Variants in ATF7IP2 observed in about 807,000 individuals in gnomAD.
ATF7IP2 encodes activating transcription factor 7 interacting protein 2.
Under a neutral mutation model 64.2 loss-of-function variants are expected in ATF7IP2, and 42 were observed. The ratio of observed to expected loss-of-function variants is 0.65; its 90% CI spans 0.51 to 0.85. The LOEUF (loss-of-function observed/expected upper bound fraction) is 0.85, where lower values mean the gene tolerates loss of function less well. Ranked by LOEUF, ATF7IP2 falls within the 40% of genes least tolerant of loss-of-function variation. The pLI is 0.00. For synonymous variants in ATF7IP2, 308 were observed against 272.8 expected, an observed-to-expected ratio of 1.13 and a Z score of -1.27; for missense variants, 933 against 784.2, an observed-to-expected ratio of 1.19 and a Z score of -2.27.
chr16:10,406,415 T>C (rs1208420831), intron 1 of ATF7IP2, among the ~76,000 whole-genome samples: 1 of 152,034 alleles, frequency 6.6e-6, no homozygotes, highest in Non-Finnish European at 1.5e-5. Flanking sequence ...CAACCTAAAA[T>C]AATTAACCTA....
intron 12 of ATF7IP2, among the ~76,000 whole-genome samples, chr16:10,477,412 G>T (rs910157596): frequency 6.6e-6 from 1 of 152,106 alleles, no homozygotes; most frequent in Non-Finnish European, 1.5e-5. Flanking sequence ...AAAGGCCTTT[G>T]ACAAAATTCA....
At chr16:10,457,916 TG>T (rs201680576) in intron 9 of ATF7IP2, among the ~76,000 whole-genome samples, 3 of 152,250 alleles carry the variant, frequency 2.0e-5, no homozygotes, top group African/African-American at 7.2e-5. Context: ...TTCACCATGT[TG>T]CCCAGGCTGG....
rs772840835 is a variant in ATF7IP2, at chr16:10,480,968, C to T, written c.1635+4C>T. 1 of 1,587,068 alleles carries T rather than the reference C, an allele frequency of 6.3e-7. No homozygotes were observed. The highest frequency in any genetic ancestry group is 1.3e-5 in the African/African-American group (1 of 74,166). ...ATTGGCACAAAATGCAGTCCAGGTA[C>T]TGAATCAAAGTGCTCTGTAAGGGAT... On this transcript the variant is annotated splice_donor_region_variant and intron_variant, in intron 13 of 13. Transcript: ENST00000562102.
chr16:10,457,202 T>G, intron 8 of ATF7IP2, 170 bp from the exon 9 acceptor site: 2 of 561,014 alleles, frequency 3.6e-6, no homozygotes, highest in Non-Finnish European at 6.2e-6. Context: ...TTTTTAAAAA[T>G]TCATTTTGGC....
At chr16:10,392,031 T>TA (rs1175108294) in intron 1 of ATF7IP2, among the ~76,000 whole-genome samples, 1 of 149,054 alleles carries the variant, frequency 6.7e-6, no homozygotes, top group East Asian at 2.0e-4. Context: ...CCAAAAGATA[T>TA]AAAAAGTATG....
chr16:10,471,506 G>A (rs2049798561), intron 9 of ATF7IP2, among the ~76,000 whole-genome samples: 1 of 151,748 alleles, frequency 6.6e-6, no homozygotes, highest in Non-Finnish European at 1.5e-5. Context: ...TCAGCCTGGG[G>A]GACAAGAGCA....
intron 1 of ATF7IP2, among the ~76,000 whole-genome samples, chr16:10,391,091 A>G (rs11074793): frequency 0.18 from 27,044 of 151,406 alleles, 2,576 homozygotes; most frequent in South Asian, 0.23. Flanking sequence ...CAAGAGTTCA[A>G]GGTTACAGTG....
chr16:10,410,938 T>C (rs2047746940), intron 1 of ATF7IP2, among the ~76,000 whole-genome samples: 1 of 152,258 alleles, frequency 6.6e-6, no homozygotes. Context: ...CTGGATTTTG[T>C]TGAATCCTTT....
intron 8 of ATF7IP2, among the ~76,000 whole-genome samples, chr16:10,454,993 G>A (rs1354900011): frequency 1.3e-5 from 2 of 152,112 alleles, no homozygotes; most frequent in Non-Finnish European, 2.9e-5. Flanking sequence ...TATTTTACTT[G>A]ACGAATGTTC....
At position 10,430,663 on chromosome 16, in the gene ATF7IP2, A is replaced by G. The variant is rs922535333; in HGVS notation, c.43A>G (p.Lys15Glu). 1.2e-6 allele frequency: 2 copies of G among 1,614,084 alleles called. No homozygotes were observed. Among genetic ancestry groups the G allele is most frequent in the East Asian group, 2.2e-5 (1 of 44,856 alleles). ...DRSKRKILKAKKTMPLSCRKQ... is the reference protein window; with the variant it reads ...DRSKRKILKAEKTMPLSCRKQ... ...AAGTAAACGGAAGATATTAAAAGCCAAAAAGACAATGCCCCTAAGTTGCCG... is the reference window on the plus strand; with the variant it reads ...AAGTAAACGGAAGATATTAAAAGCCGAAAAGACAATGCCCCTAAGTTGCCG... The change falls in exon 5 of 14, where the codon AAA becomes GAA. Residue 15 changes from lysine (K) to glutamate (E), a missense_variant. Coordinates refer to ENST00000562102, the MANE Select transcript of ATF7IP2 (RefSeq NM_001393719.1).
chr16:10,406,779 C>G (rs1277587429), intron 1 of ATF7IP2, among the ~76,000 whole-genome samples: 2 of 152,050 alleles, frequency 1.3e-5, no homozygotes, highest in Non-Finnish European at 2.9e-5. Flanking sequence ...AAAACATTGC[C>G]CAGCAAAGAA....
rs541328833 is a variant in ATF7IP2 at position 10,438,225 on chromosome 16, A to G, written c.1085A>G (p.Asp362Gly). The G allele has an allele frequency of 1.3e-6, 2 of 1,593,706 alleles. No individual in the cohort carries two copies. The highest frequency in any genetic ancestry group is 3.6e-5 in the Admixed American group (2 of 55,184). Residue 362 changes from aspartate (D) to glycine (G), a missense_variant, in exon 7 of 14, where the codon GAT (aspartate) becomes GGT (glycine). Asp to Gly is a moderately conservative substitution (Grantham distance 94, BLOSUM62 -1). Transcript: ENST00000562102. ...ECRNKHEGIA[D>G]KLLAKIAKLQ... ...AGAAATAAGCATGAAGGAATAGCTGATAAACTTTTGGTAAGTTTTGATTTC... is the reference window on the plus strand; with the variant it reads ...AGAAATAAGCATGAAGGAATAGCTGGTAAACTTTTGGTAAGTTTTGATTTC...
Position 10,430,784 on chromosome 16 carries a change from C to G in ATF7IP2, c.164C>G (p.Pro55Arg), listed in dbSNP as rs1316265760. 2 of 1,574,286 alleles carry G rather than the reference C, an allele frequency of 1.3e-6. No homozygotes were observed. The highest frequency in any genetic ancestry group is 2.2e-5 in the South Asian group (2 of 89,358). ...NVPSGNQSFS[P>R]SVITRTTEIT... ...CCAAGCGGTAATCAGAGTTTCAGTC[C>G]TAGTGTCATAACTAGGACGACTGAA... The change falls in exon 5 of 14, where the codon CCT becomes CGT. Residue 55 changes from proline (P) to arginine (R), a missense_variant. Physicochemically the swap from Pro to Arg is moderately radical, Grantham distance 103. Transcript: ENST00000562102.
intron 5 of ATF7IP2, among the ~76,000 whole-genome samples, chr16:10,432,027 CAG>C (rs1239618397): frequency 4.7e-5 from 5 of 106,204 alleles, no homozygotes; most frequent in African/African-American, 1.5e-4. Flanking sequence ...TTAGTAGAAA[CAG>C]GGTTTCACCA....
At chr16:10,461,944 T>C (rs973207676) in intron 9 of ATF7IP2, among the ~76,000 whole-genome samples, 1 of 152,166 alleles carries the variant, frequency 6.6e-6, no homozygotes, top group African/African-American at 2.4e-5. Context: ...ACAATCTTAC[T>C]ACCTGTTTTC....
chr16:10,452,970 G>C (rs533063869), intron 8 of ATF7IP2, among the ~76,000 whole-genome samples: 1 of 152,238 alleles, frequency 6.6e-6, no homozygotes, highest in Admixed American at 6.5e-5. Flanking sequence ...ACCTCAGACT[G>C]CTGTGCTGGC....
chr16:10,392,795 C>T (rs924530111), intron 1 of ATF7IP2, among the ~76,000 whole-genome samples: 3 of 151,390 alleles, frequency 2.0e-5, no homozygotes, highest in Admixed American at 2.0e-4. Flanking sequence ...TGAAGACCAG[C>T]CTGGGCAACA....
rs910930411 is a variant in ATF7IP2, at chr16:10,427,815, A to T, written c.-159-1053A>T. Among the ~76,000 whole-genome samples the T allele has an allele frequency of 1.3e-5, 2 of 150,758 alleles. 1 individual carries two copies. The highest frequency in any genetic ancestry group is 4.9e-5 in the African/African-American group (2 of 40,874). ...CTGAAGCTGCCATGAGCCATGCTGCACTCCAGCCTGGGTAACAGAGCAGCA... is the reference window on the plus strand; with the variant it reads ...CTGAAGCTGCCATGAGCCATGCTGCTCTCCAGCCTGGGTAACAGAGCAGCA... On this transcript the variant is annotated intron_variant, in intron 3 of 13. Transcript: ENST00000562102.
In ATF7IP2 at chr16:10,432,952, C is replaced by G. The variant is rs993279833; in HGVS notation, c.836-573C>G. Reference sequence around the variant, plus strand: ...GTCACTATAAATAGAGAATTAAATGCCATAATTTGTTAAGTTTTTGTTCGT... The same window carrying G: ...GTCACTATAAATAGAGAATTAAATGGCATAATTTGTTAAGTTTTTGTTCGT... On this transcript the variant is annotated intron_variant, in intron 5 of 13. Transcript: ENST00000562102. Among the ~76,000 whole-genome samples the G allele has an allele frequency of 2.0e-5, 3 of 151,930 alleles. No homozygotes were observed. In the East Asian group the frequency reaches 5.8e-4, roughly 29 times the overall value.
Sources: allele counts gnomAD v4.1 joint callset (sites outside exome capture counted in the v4.1 genomes callset), GRCh38; gene constraint gnomAD v4.1.1; transcripts MANE v1.5; gene names NCBI Gene and HGNC (gene_info 2026-07-23, HGNC 2026-07-21).